The following FGF13 variants were observed in gnomAD, a reference collection of about 807,000 sequenced individuals.
FGF13 encodes fibroblast growth factor 13.
A neutral mutation model predicts 19.5 loss-of-function variants in FGF13; 2 were observed. That is an observed-to-expected ratio of 0.10 (90% CI 0.04 to 0.32). The LOEUF (loss-of-function observed/expected upper bound fraction) is 0.32. Among genes scored for constraint, FGF13 ranks in the 10% least tolerant of loss-of-function variants. The probability of loss-of-function intolerance (pLI) is 1.00; values close to 1 mark genes in which losing one functional copy is unlikely to be tolerated. For synonymous variants in FGF13, 72 were observed against 76.9 expected (o/e 0.94, Z 0.33); for missense variants, 113 against 192.7 (o/e 0.59, Z 2.45).
intron 1 of FGF13, among the ~76,000 whole-genome samples, chrX:139,166,512 T>C (rs998484934): frequency 7.2e-5 from 8 of 111,766 alleles, no homozygotes; most frequent in Non-Finnish European, 7.5e-5. Flanking sequence ...ATTAAGGCTT[T>C]AAGGCTATTT....
chrX:139,129,034 G>T (rs1304369776), intron 1 of FGF13, among the ~76,000 whole-genome samples: 2 of 107,607 alleles, frequency 1.9e-5, no homozygotes, highest in Non-Finnish European at 1.9e-5. Context: ...TGGTGGGGGA[G>T]GGGGGAGCTC....
At chrX:139,044,398 TA>T (rs1172765246) in intron 1 of FGF13, among the ~76,000 whole-genome samples, 1 of 111,052 alleles carries the variant, frequency 9.0e-6, no homozygotes, top group Non-Finnish European at 1.9e-5. Flanking sequence ...CACACACTTT[TA>T]AATGACAAGA....
At chrX:138,784,960 C>A (rs1300375950) in intron 3 of FGF13, among the ~76,000 whole-genome samples, 1 of 112,211 alleles carries the variant, frequency 8.9e-6, no homozygotes, top group East Asian at 2.8e-4. Context: ...ACTTTAAAAT[C>A]ATGGTTGGAC....
intron 3 of FGF13, among the ~76,000 whole-genome samples, chrX:138,659,870 G>A (rs952392060): frequency 4.5e-5 from 5 of 110,963 alleles, no homozygotes; most frequent in African/African-American, 9.9e-5. Flanking sequence ...AGAACACATG[G>A]ACACAGGCAG....
intron 1 of FGF13, among the ~76,000 whole-genome samples, chrX:138,961,868 C>T (rs767325307): frequency 1.1e-3 from 120 of 111,765 alleles, no homozygotes; most frequent in African/African-American, 3.7e-3. Context: ...ACTTAAATGT[C>T]AGACCTAAAA....
At chrX:138,893,798 A>T (rs980470951) in intron 1 of FGF13, among the ~76,000 whole-genome samples, 4 of 111,369 alleles carry the variant, frequency 3.6e-5, no homozygotes, top group Non-Finnish European at 7.5e-5. Context: ...TTGCTCAAAA[A>T]TAGGAGCTAT....
At chrX:139,127,642 C>T (rs1310795775) in intron 1 of FGF13, among the ~76,000 whole-genome samples, 1 of 111,596 alleles carries the variant, frequency 9.0e-6, no homozygotes, top group African/African-American at 3.3e-5. Context: ...TGCTGGCCAC[C>T]ACAGGCAACT....
chrX:138,928,780 C>A (rs1193347432), intron 1 of FGF13, among the ~76,000 whole-genome samples: 2 of 111,672 alleles, frequency 1.8e-5, no homozygotes, highest in African/African-American at 6.5e-5. Flanking sequence ...TCAGAATGTG[C>A]CTCAATATCA....
intron 1 of FGF13, among the ~76,000 whole-genome samples, chrX:139,122,887 C>A (rs916697516): frequency 5.4e-5 from 6 of 111,583 alleles, no homozygotes; most frequent in Non-Finnish European, 1.1e-4. Flanking sequence ...AACTTAGGCA[C>A]TATTGATATT....
chrX:138,725,529 A>G (rs1328702425), intron 1 of FGF13, among the ~76,000 whole-genome samples: 1 of 111,462 alleles, frequency 9.0e-6, no homozygotes, highest in Non-Finnish European at 1.9e-5. Context: ...ATTCAATCAG[A>G]AACTGCACAC....
intron 1 of FGF13, among the ~76,000 whole-genome samples, chrX:139,109,080 T>C (rs1481280891): frequency 8.9e-6 from 1 of 111,950 alleles, no homozygotes; most frequent in Non-Finnish European, 1.9e-5. Flanking sequence ...CATATAGTTA[T>C]GTTGTTTAAA....
intron 1 of FGF13, among the ~76,000 whole-genome samples, chrX:139,152,791 C>T (rs768366345): frequency 1.8e-5 from 2 of 110,988 alleles, no homozygotes; most frequent in South Asian, 7.7e-4. Context: ...TCTCTCTCAC[C>T]GCCAAGCCCT....
chrX:139,005,374 G>T (rs2092096770), intron 1 of FGF13, among the ~76,000 whole-genome samples: 1 of 111,650 alleles, frequency 9.0e-6, no homozygotes, highest in Non-Finnish European at 1.9e-5. Flanking sequence ...GTGTTACTTG[G>T]CTTGGGGTGC....
intron 1 of FGF13, among the ~76,000 whole-genome samples, chrX:139,008,361 C>G (rs953605478): frequency 1.8e-5 from 2 of 112,440 alleles, no homozygotes; most frequent in Non-Finnish European, 3.8e-5. Context: ...CTCTTGAAAG[C>G]GTCACCTCCT....
rs1023073942 is a variant in FGF13, at chrX:138,829,951, T to C, written c.217+27561A>G. 2.7e-5 allele frequency among the ~76,000 whole-genome samples: 3 copies of C among 112,216 alleles called. No homozygotes were observed. The Admixed American group carries it at 2.8e-4, about 11-fold the overall frequency. On this transcript the variant is annotated intron_variant, in intron 3 of 6. Coordinates refer to the FGF13 transcript ENST00000436198. Reference sequence around the variant, plus strand: ...CCAGGCTGGTCTCAAACTCCTGATCTCAGGTGATCCACCCACCTTGGCCTC... The same window carrying C: ...CCAGGCTGGTCTCAAACTCCTGATCCCAGGTGATCCACCCACCTTGGCCTC...
intron 3 of FGF13, among the ~76,000 whole-genome samples, chrX:138,750,527 A>AT (rs1435394438): frequency 3.6e-5 from 4 of 111,044 alleles, no homozygotes; most frequent in South Asian, 3.8e-4. Context: ...ACCGAAATGG[A>AT]TTTTTTTAAC....
At chrX:139,098,337 G>A (rs1200624663) in intron 1 of FGF13, among the ~76,000 whole-genome samples, 1 of 111,061 alleles carries the variant, frequency 9.0e-6, no homozygotes, top group Non-Finnish European at 1.9e-5. Flanking sequence ...ACTAAAAATC[G>A]AACTACCATT....
rs1365677493 is a variant in FGF13, at chrX:138,625,478, AT to A, written c.*7371del. 9.4e-5 allele frequency: 9 copies of A among 95,885 alleles called. No homozygotes were observed. The highest frequency in any genetic ancestry group is 1.8e-4 in the Non-Finnish European group (9 of 49,539). 7.9% of individuals were successfully genotyped at this position (95,885 alleles called of 1,213,427 possible). On this transcript the variant is annotated 3_prime_UTR_variant, in exon 5 of 5. Coordinates refer to ENST00000315930, the MANE Select transcript of FGF13 (RefSeq NM_004114.5). ...GAAAATTATATATATATACATATATATATATAATATATATATATACATATAT... is the reference window on the plus strand; with the variant it reads ...GAAAATTATATATATATACATATATAATATAATATATATATATACATATAT...
upstream of FGF13, chrX:138,714,794 C>T (rs2090086582): frequency 8.9e-6 from 1 of 112,319 alleles, no homozygotes; most frequent in Non-Finnish European, 1.9e-5. Flanking sequence ...GCCAAAGTCA[C>T]ATCCATCTTG....
Sources: allele counts gnomAD v4.1 joint callset (sites outside exome capture counted in the v4.1 genomes callset), GRCh38; gene constraint gnomAD v4.1.1; transcripts MANE v1.5; gene names NCBI Gene and HGNC (gene_info 2026-07-23, HGNC 2026-07-21).